Variants in CLEC18C observed in about 807,000 individuals in gnomAD.
CLEC18C encodes the protein C-type lectin domain family 18 member C.
A neutral mutation model predicts 27.2 loss-of-function variants in CLEC18C; 2 were observed. The observed-to-expected ratio is 0.07, with a 90% CI of 0.03 to 0.23. CLEC18C has a LOEUF of 0.23. Among genes scored for constraint, CLEC18C ranks in the 10% least tolerant of loss-of-function variants. The pLI is 1.00. For synonymous variants in CLEC18C, 13 were observed against 112.8 expected, an observed-to-expected ratio of 0.12 and a Z score of 5.61; for missense variants, 31 against 269.0, an observed-to-expected ratio of 0.12 and a Z score of 6.19.
intron 4 of CLEC18C, among the ~76,000 whole-genome samples, chr16:70,179,792 GC>G (rs1466177675): frequency 1.4e-5 from 2 of 144,448 alleles, no homozygotes; most frequent in African/African-American, 5.1e-5. Context: ...GATTACAGGC[GC>G]CTGCCACCAC....
chr16:70,174,155 C>G lies in CLEC18C; in HGVS notation c.-106-18C>G. On this transcript the variant is annotated intron_variant, in intron 1 of 12. Coordinates refer to ENST00000541793, the MANE Select transcript of CLEC18C (RefSeq NM_173619.4). ...ACACTGATTACTCACTCACCAGCCT[C>G]CCTCTTTTGTCCACCAGCCCAGCCT... The G allele has an allele frequency of 1.0e-6, 1 of 979,336 alleles. No individual in the cohort carries two copies. The highest frequency in any genetic ancestry group is 1.4e-6 in the Non-Finnish European group (1 of 696,490). 60.7% of individuals were successfully genotyped at this position (979,336 alleles called of 1,614,324 possible). A position where few individuals can be genotyped will look rare whatever the true frequency, so the allele number is the denominator to read the frequency against.
At chr16:70,179,395 G>A (rs1247663994) in intron 4 of CLEC18C, among the ~76,000 whole-genome samples, 1 of 92,664 alleles carries the variant, frequency 1.1e-5, no homozygotes, top group Non-Finnish European at 2.1e-5. Flanking sequence ...TAGTAGCTGG[G>A]ACTGCAGGCA....
At chr16:70,178,035 T>TA (rs2152137674) in intron 4 of CLEC18C, among the ~76,000 whole-genome samples, 1 of 42,740 alleles carries the variant, frequency 2.3e-5, no homozygotes, top group South Asian at 5.8e-4. Context: ...GCCTCACAAG[T>TA]AGCTGGGATT....
Position 70,175,045 on chromosome 16 carries a change from AC to A in CLEC18C, c.216+10del. The A allele has an allele frequency of 8.6e-7, 1 of 1,160,350 alleles. No individual in the cohort carries two copies. The highest frequency in any genetic ancestry group is 1.2e-6 in the Non-Finnish European group (1 of 851,878). 71.9% of individuals were successfully genotyped at this position (1,160,350 alleles called of 1,614,324 possible). Reference sequence around the variant, plus strand: ...GGCTGACATGCGGAGGCTGGTGAGTACCCGACCCAGCTGGGCTCTGCCAGGG... The same window carrying A: ...GGCTGACATGCGGAGGCTGGTGAGTACCGACCCAGCTGGGCTCTGCCAGGG... On this transcript the variant is annotated splice_region_variant and intron_variant, in intron 3 of 12. Coordinates refer to ENST00000541793, the MANE Select transcript of CLEC18C (RefSeq NM_173619.4).
intron 3 of CLEC18C, among the ~76,000 whole-genome samples, chr16:70,176,675 G>A (rs1296795045): frequency 2.3e-4 from 31 of 133,814 alleles, no homozygotes; most frequent in Admixed American, 9.6e-4. Context: ...GTTGCAGTAA[G>A]CCGGGATTTC....
intron 4 of CLEC18C, among the ~76,000 whole-genome samples, chr16:70,179,594 GTGAAAAACCTAAC>G (rs1434255799): frequency 6.7e-6 from 1 of 148,322 alleles, no homozygotes; most frequent in Non-Finnish European, 1.5e-5. Flanking sequence ...ACTCAAAGGT[GTGAAAAACCTAAC>G]TCTGTTTTGT....
Position 70,174,178 on chromosome 16 carries a change from C to CT in CLEC18C, c.-101_-100insT. ...CTCCCTCTTTTGTCCACCAGCCCAG[C>CT]CTGACTCCTGGAGATTGTGAATAGC... is the stretch of plus-strand genomic sequence containing the variant. On this transcript the variant is annotated 5_prime_UTR_variant, in exon 2 of 13. The change abolishes the stop of an existing upstream ORF in the 5' untranslated region. Coordinates refer to ENST00000541793, the MANE Select transcript of CLEC18C (RefSeq NM_173619.4). 9.2e-7 allele frequency: 1 copy of CT among 1,091,790 alleles called. No homozygotes were observed. 67.6% of individuals were successfully genotyped at this position (1,091,790 alleles called of 1,614,324 possible). A position where few individuals can be genotyped will look rare whatever the true frequency, so the allele number is the denominator to read the frequency against.
Position 70,177,716 on chromosome 16 carries a change from A to C in CLEC18C, c.456+236A>C, listed in dbSNP as rs1208448432. On this transcript the variant is annotated intron_variant, in intron 4 of 12. Transcript: ENST00000541793. ...CCTCCTGGACTCAAGTGATTCTTGT[A>C]CTTCAGCCTCCTGACTAGCTGGGAC... is the stretch of plus-strand genomic sequence containing the variant. Among the ~76,000 whole-genome samples the C allele has an allele frequency of 3.7e-4, 38 of 102,572 alleles. 9 individuals carry two copies. Among genetic ancestry groups the C allele is most frequent in the African/African-American group, 8.5e-4 (22 of 25,918 alleles). 67.3% of individuals were successfully genotyped at this position (102,572 alleles called of 152,430 possible).
rs1968474455 is a variant in CLEC18C at position 70,186,537 on chromosome 16, TC to T, written c.*20del. On this transcript the variant is annotated 3_prime_UTR_variant, in exon 13 of 13. Coordinates refer to ENST00000541793, the MANE Select transcript of CLEC18C (RefSeq NM_173619.4). ...GGGTCCTGAGGCCTGACCACATGGCTCCCTCGCCTGCCCTGGGAGCACCGGC... is the reference window on the plus strand; with the variant it reads ...GGGTCCTGAGGCCTGACCACATGGCTCCTCGCCTGCCCTGGGAGCACCGGC... 7.2e-7 allele frequency: 1 copy of T among 1,383,392 alleles called. No individual in the cohort carries two copies. The highest frequency in any genetic ancestry group is 9.9e-7 in the Non-Finnish European group (1 of 1,007,018). The allele number at this position is 1,383,392 out of a possible 1,614,324, so 85.7% of individuals were successfully genotyped here. A position where few individuals can be genotyped will look rare whatever the true frequency, so the allele number is the denominator to read the frequency against.
chr16:70,176,683 T>G lies in CLEC18C; in HGVS notation c.217-558T>G, dbSNP rs577877333. 9.1e-3 allele frequency among the ~76,000 whole-genome samples: 1,178 copies of G among 129,410 alleles called. 8 individuals are homozygous for G. Among genetic ancestry groups the G allele is most frequent in the Non-Finnish European group, 0.013 (793 of 62,720 alleles). The allele number at this position is 129,410 out of a possible 152,430, so 84.9% of individuals were successfully genotyped here. A position where few individuals can be genotyped will look rare whatever the true frequency, so the allele number is the denominator to read the frequency against. ...GGCGGAGGTTGCAGTAAGCCGGGAT[T>G]TCTCCACTGCACTCCAGCCTGGGCG... On this transcript the variant is annotated intron_variant, in intron 3 of 12. Transcript: ENST00000541793.
intron 3 of CLEC18C, among the ~76,000 whole-genome samples, chr16:70,176,020 T>C (rs1266411822): frequency 5.2e-3 from 393 of 75,904 alleles, no homozygotes; most frequent in Middle Eastern, 0.01. Context: ...TGTCAAAGTC[T>C]TAGAAAACTT....
chr16:70,185,970 C>A lies in CLEC18C; in HGVS notation c.1297C>A (p.Gln433Lys). ...CAAAACCCGAAACCGTTACATCTGC[C>A]AGTTTGGTGAGGGACTTCCTGAGGC... The part of the protein sequence containing the change: ...RCKTRNRYIC[Q>K]FAQEHISRWG... The change falls in exon 12 of 13, where the codon CAG becomes AAG. Residue 433 changes from glutamine (Q) to lysine (K), a missense_variant. Coordinates refer to ENST00000541793, the MANE Select transcript of CLEC18C (RefSeq NM_173619.4). 6.3e-7 allele frequency: 1 copy of A among 1,595,432 alleles called. No homozygotes were observed. Among genetic ancestry groups the A allele is most frequent in the Non-Finnish European group, 8.5e-7 (1 of 1,178,098 alleles).
chr16:70,185,554 CT>C (rs1968446850), intron 11 of CLEC18C: 1 of 369,458 alleles, frequency 2.7e-6, no homozygotes, highest in Non-Finnish European at 4.3e-6. Context: ...GCCTGTGCCC[CT>C]GGCCTCTTGC....
intron 4 of CLEC18C, 133 bp downstream of exon 4, chr16:70,177,613 T>A (rs1189921689): frequency 1.8e-6 from 2 of 1,134,264 alleles, no homozygotes; most frequent in African/African-American, 3.7e-5. Flanking sequence ...TTTTACTTTT[T>A]TTTTTTTTGA....
intron 4 of CLEC18C, among the ~76,000 whole-genome samples, chr16:70,179,010 G>A (rs1411692661): frequency 1.2e-5 from 1 of 86,334 alleles, no homozygotes; most frequent in Non-Finnish European, 2.3e-5. Context: ...TTACCCAGGT[G>A]TGATGGTGTG....
At chr16:70,176,545 A>G (rs1968292952) in intron 3 of CLEC18C, among the ~76,000 whole-genome samples, 1 of 151,308 alleles carries the variant, frequency 6.6e-6, no homozygotes, top group African/African-American at 2.5e-5. Context: ...AATGGCCAAC[A>G]TGGTGAAACC....
chr16:70,186,251 C>T (rs1394932880), intron 12 of CLEC18C, among the ~76,000 whole-genome samples: 2 of 148,852 alleles, frequency 1.3e-5, no homozygotes, highest in Admixed American at 6.7e-5. Flanking sequence ...GTCATGAAAG[C>T]TGCTGCCTGG....
chr16:70,179,814 T>G (rs1237540368), intron 4 of CLEC18C, among the ~76,000 whole-genome samples: 1 of 145,462 alleles, frequency 6.9e-6, no homozygotes, highest in African/African-American at 2.5e-5. Flanking sequence ...ACCTGGCTAA[T>G]TTTTGTATTT....
chr16:70,174,249 C>T lies in CLEC18C; in HGVS notation c.-30C>T, dbSNP rs1968189296. ...AGCCGGGTGGCTGAGCCAGGCTGTG[C>T]ACGGAGTGCCTGACGGGCCCAACAG... is the stretch of plus-strand genomic sequence containing the variant. On this transcript the variant is annotated 5_prime_UTR_variant, in exon 2 of 13. Transcript: ENST00000541793. 1 of 1,311,580 alleles carries T rather than the reference C, an allele frequency of 7.6e-7. No individual in the cohort carries two copies. The highest frequency in any genetic ancestry group is 1.2e-5 in the South Asian group (1 of 83,488). The allele number at this position is 1,311,580 out of a possible 1,614,324, so 81.2% of individuals were successfully genotyped here. A position where few individuals can be genotyped will look rare whatever the true frequency, so the allele number is the denominator to read the frequency against.
Sources: allele counts gnomAD v4.1 joint callset (sites outside exome capture counted in the v4.1 genomes callset), GRCh38; gene constraint gnomAD v4.1.1; transcripts MANE v1.5; gene names NCBI Gene and HGNC (gene_info 2026-07-23, HGNC 2026-07-21).